ICA1: variants seen among roughly 807,000 people sequenced by gnomAD.
ICA1 encodes islet cell autoantigen 1.
ICA1 carries 40 observed loss-of-function variants against 71.0 expected under a neutral mutation model. The observed-to-expected ratio is 0.56, with a 90% confidence interval of 0.44 to 0.73. ICA1 has a LOEUF of 0.73. ICA1 is among the 30% of genes least tolerant of loss of function. The pLI is 0.00. For synonymous variants in ICA1, 207 were observed against 209.5 expected, an observed-to-expected ratio of 0.99 and a Z score of 0.10; for missense variants, 578 against 576.5, an observed-to-expected ratio of 1.00 and a Z score of -0.03.
rs552793944 is a variant in ICA1, at chr7:8,234,640, G to A, written c.17+1270C>T. Among the ~76,000 whole-genome samples, 1 of 152,216 alleles carries A rather than the reference G, an allele frequency of 6.6e-6. No individual in the cohort carries two copies. Among genetic ancestry groups the A allele is most frequent in the Non-Finnish European group, 1.5e-5 (1 of 68,008 alleles). ...ATTTCTGATGACTTCCTTAACAATG[G>A]TTATCTTTGGAGAGAGAAGTAGGAT... is the stretch of plus-strand genomic sequence containing the variant. On this transcript the variant is annotated intron_variant, in intron 2 of 13. Coordinates refer to ENST00000402384, the MANE Select transcript of ICA1 (RefSeq NM_001136020.3). This position sits in a 1 kb window ranked among gnomAD's most constrained non-coding sequence, Gnocchi z 4.5.
rs768609861 is a variant in ICA1, at chr7:8,113,952, C to G, written c.1423G>C (p.Asp475His). 2 of 1,614,170 alleles carry G rather than the reference C, an allele frequency of 1.2e-6. No homozygotes were observed. The highest frequency in any genetic ancestry group is 2.2e-5 in the East Asian group (1 of 44,878). ...GCATTGAGCAATTCGTGTTCTTTAT[C>G]GGTTTTCCCAACAGCATCAGGATTT... ...LSNPDAVGKT[D>H]KEHELLNA The change falls in exon 14 of 14, where the codon GAT becomes CAT. Residue 475 changes from aspartate (D) to histidine (H), a missense_variant. Coordinates refer to ENST00000402384, the MANE Select transcript of ICA1 (RefSeq NM_001136020.3). This position sits in a 1 kb window ranked among gnomAD's most constrained non-coding sequence, Gnocchi z 4.2.
intron 8 of ICA1, among the ~76,000 whole-genome samples, chr7:8,152,734 C>A (rs1350627218): frequency 4.0e-5 from 6 of 149,700 alleles, no homozygotes; most frequent in Non-Finnish European, 9.0e-5. Context: ...ATCACCACCA[C>A]CACCACAACC....
At chr7:8,139,843 G>A (rs957897240) in intron 10 of ICA1, among the ~76,000 whole-genome samples, 5 of 152,274 alleles carry the variant, frequency 3.3e-5, no homozygotes, top group South Asian at 2.1e-4. Flanking sequence ...AAACAATAAA[G>A]TGTGTCTGTG....
chr7:8,245,197 C>T (rs528929563), intron 1 of ICA1, among the ~76,000 whole-genome samples: 40 of 152,102 alleles, frequency 2.6e-4, no homozygotes, highest in Admixed American at 1.6e-3. Flanking sequence ...TAAGAAAATG[C>T]GGCACATATA....
At chr7:8,218,136 G>A (rs908473715) in intron 6 of ICA1, among the ~76,000 whole-genome samples, 169 bp downstream of exon 6, 4 of 152,200 alleles carry the variant, frequency 2.6e-5, no homozygotes, top group African/African-American at 9.6e-5. Context: ...ATCCTTTAGA[G>A]AATTATGTAT....
rs777983658 is a variant in ICA1, at chr7:8,235,943, A to G, written c.-17T>C. 121 of 1,612,218 alleles carry G rather than the reference A, an allele frequency of 7.5e-5. No homozygotes were observed. The highest frequency in any genetic ancestry group is 9.3e-6 in the Non-Finnish European group (11 of 1,179,244). On this transcript the variant is annotated 5_prime_UTR_variant, in exon 2 of 14. It removes the in-frame stop codon of an upstream open reading frame in the 5' UTR. Coordinates refer to ENST00000402384, the MANE Select transcript of ICA1 (RefSeq NM_001136020.3). Reference sequence around the variant, plus strand: ...TCCTGACATGTTTTCTTCTTCTTCTATTGTTGATGATTTGGGGAGAAGGGG... The same window carrying G: ...TCCTGACATGTTTTCTTCTTCTTCTGTTGTTGATGATTTGGGGAGAAGGGG...
intron 8 of ICA1, among the ~76,000 whole-genome samples, chr7:8,153,143 C>G (rs1174079189): frequency 6.6e-6 from 1 of 152,234 alleles, no homozygotes; most frequent in Admixed American, 6.5e-5. Flanking sequence ...AAAGCTAGGT[C>G]TGGCTGGCTC....
intron 8 of ICA1, among the ~76,000 whole-genome samples, chr7:8,154,542 T>G (rs893116885): frequency 2.0e-4 from 30 of 152,208 alleles, no homozygotes; most frequent in African/African-American, 7.2e-4. Flanking sequence ...CTAAAGACAA[T>G]GTTTTCTTTC....
chr7:8,164,412 C>G (rs1480423428), intron 6 of ICA1, among the ~76,000 whole-genome samples: 1 of 151,224 alleles, frequency 6.6e-6, no homozygotes, highest in South Asian at 2.1e-4. Context: ...CTGCTCTGAT[C>G]CAAAAGACAC....
chr7:8,254,008 T>C (rs1460205167), intron 1 of ICA1, among the ~76,000 whole-genome samples: 3 of 152,204 alleles, frequency 2.0e-5, no homozygotes, highest in African/African-American at 7.2e-5. Context: ...AATTCATAAT[T>C]TGAAGCCTCC....
intron 13 of ICA1, among the ~76,000 whole-genome samples, chr7:8,119,458 T>C (rs113216788): frequency 3.8e-4 from 58 of 152,326 alleles, no homozygotes; most frequent in African/African-American, 1.4e-3. Context: ...AATCAATTTA[T>C]ATGTCAAAAT....
intron 1 of ICA1, among the ~76,000 whole-genome samples, chr7:8,259,838 G>A (rs1225083891): frequency 6.6e-6 from 1 of 152,146 alleles, no homozygotes; most frequent in Non-Finnish European, 1.5e-5. Context: ...AAAAAAGCGG[G>A]GGAAAAGTGT....
chr7:8,129,788 G>A (rs1790731431), intron 12 of ICA1, among the ~76,000 whole-genome samples: 1 of 151,866 alleles, frequency 6.6e-6, no homozygotes, highest in Admixed American at 6.6e-5. Context: ...GTGCCATGCT[G>A]GTGTGTTGCA....
intron 6 of ICA1, among the ~76,000 whole-genome samples, chr7:8,188,408 T>C (rs1191259788): frequency 2.6e-5 from 4 of 152,206 alleles, no homozygotes; most frequent in African/African-American, 9.6e-5. Flanking sequence ...CATGGTCGCT[T>C]CCTTGCCCAG....
chr7:8,207,919 G>A (rs1792187245), intron 6 of ICA1, among the ~76,000 whole-genome samples: 1 of 152,174 alleles, frequency 6.6e-6, no homozygotes, highest in South Asian at 2.1e-4. Context: ...GGGATTCTGA[G>A]TTTCACTGAG....
At chr7:8,161,439 C>T (rs1803761013) in intron 6 of ICA1, among the ~76,000 whole-genome samples, 1 of 152,186 alleles carries the variant, frequency 6.6e-6, no homozygotes, top group African/African-American at 2.4e-5. Context: ...CCTGTATTCT[C>T]ATTCTTTGCC....
At chr7:8,120,969 C>T (rs893446797) in intron 13 of ICA1, among the ~76,000 whole-genome samples, 8 of 152,202 alleles carry the variant, frequency 5.3e-5, no homozygotes, top group African/African-American at 7.2e-5. Flanking sequence ...ACCACAACCA[C>T]GTGGCCAAGC....
chr7:8,127,352 T>C (rs926569752), intron 13 of ICA1, among the ~76,000 whole-genome samples: 1 of 152,040 alleles, frequency 6.6e-6, no homozygotes, highest in Non-Finnish European at 1.5e-5. Context: ...GGAGGTAATG[T>C]TTGGCCCTGT....
intron 6 of ICA1, among the ~76,000 whole-genome samples, chr7:8,170,921 A>G (rs894080038): frequency 1.3e-5 from 2 of 152,124 alleles, no homozygotes; most frequent in South Asian, 2.1e-4. Context: ...ATCAATTCAC[A>G]TATTTAAAGT....
Sources: gnomAD v4.1 joint callset for allele counts (sites outside exome capture counted in the v4.1 genomes callset) on GRCh38, gnomAD v4.1.1 for gene constraint, Gnocchi (gnomAD v3.1) non-coding constraint, MANE v1.5 for transcripts, NCBI Gene and HGNC (gene_info 2026-07-23, HGNC 2026-07-21) for gene names.